The following ADAM22 variants were observed in gnomAD, a reference collection of about 807,000 sequenced individuals.
ADAM22 encodes the protein disintegrin and metalloproteinase domain-containing protein 22.
Under a neutral mutation model 144.6 loss-of-function variants are expected in ADAM22, and 65 were observed. That is an observed-to-expected ratio of 0.45 (90% CI 0.37 to 0.55). The LOEUF is 0.55. Ranked by LOEUF, ADAM22 falls within the 20% of genes least tolerant of loss-of-function variation. The pLI is 0.00. For missense variants in ADAM22, 974 were observed against 1,184.9 expected (o/e 0.82, Z 2.61); for synonymous variants, 391 against 412.6 (o/e 0.95, Z 0.63).
intron 26 of ADAM22, among the ~76,000 whole-genome samples, chr7:88,177,365 T>C (rs1845930867): frequency 1.3e-5 from 2 of 152,076 alleles, no homozygotes; most frequent in South Asian, 4.1e-4. Flanking sequence ...ATATAGCTGG[T>C]GTCATGTAAC....
chr7:88,094,917 T>C (rs1376306115), intron 4 of ADAM22, among the ~76,000 whole-genome samples: 1 of 152,204 alleles, frequency 6.6e-6, no homozygotes, highest in Non-Finnish European at 1.5e-5. Flanking sequence ...GGACCTAAAC[T>C]CAAATCCTGA....
chr7:88,081,409 C>A (rs532755832), intron 4 of ADAM22, among the ~76,000 whole-genome samples: 2 of 152,306 alleles, frequency 1.3e-5, no homozygotes, highest in South Asian at 4.1e-4. Flanking sequence ...AAACTGGAAG[C>A]ATTCCCTTTG....
chr7:88,144,397 C>A (rs140773914), intron 15 of ADAM22, among the ~76,000 whole-genome samples: 1 of 152,230 alleles, frequency 6.6e-6, no homozygotes. Context: ...ATAAAACAGA[C>A]CTAAAACATA....
intron 24 of ADAM22, among the ~76,000 whole-genome samples, chr7:88,166,852 G>A (rs530037304): frequency 1.1e-4 from 17 of 152,128 alleles, no homozygotes; most frequent in African/African-American, 4.1e-4. Flanking sequence ...CCATTACTTA[G>A]AAATAAACAA....
At chr7:88,166,488 T>TG (rs1415272233) in intron 24 of ADAM22, among the ~76,000 whole-genome samples, 1 of 152,032 alleles carries the variant, frequency 6.6e-6, no homozygotes, top group African/African-American at 2.4e-5. Flanking sequence ...GTGGCCCAAA[T>TG]GGGGGTATAG....
chr7:87,991,128 T>C (rs1789736365), intron 3 of ADAM22, among the ~76,000 whole-genome samples: 1 of 152,196 alleles, frequency 6.6e-6, no homozygotes, highest in South Asian at 2.1e-4. Context: ...CATGACCCTA[T>C]TAATCTTTAA....
intron 26 of ADAM22, among the ~76,000 whole-genome samples, chr7:88,178,274 T>C (rs1159108785): frequency 6.6e-6 from 1 of 152,162 alleles, no homozygotes; most frequent in African/African-American, 2.4e-5. Flanking sequence ...TCAGTTATTT[T>C]TTTCAACCTT....
chr7:87,974,446 T>G (rs527380160), intron 2 of ADAM22, among the ~76,000 whole-genome samples: 2 of 152,180 alleles, frequency 1.3e-5, no homozygotes, highest in Non-Finnish European at 2.9e-5. Flanking sequence ...CAGGCTCACA[T>G]TTATTTTAGT....
rs370119404 is a variant in ADAM22 at position 88,143,100 on chromosome 7, C to T, written c.1295C>T (p.Ala432Val). ...GACTTCCTGAATAGTGGAGGTGGTG[C>T]CTGCCTTTTCAACAAACCTTCTAAG... Reference protein sequence around the residue: ...YHDFLNSGGGACLFNKPSKLL... With the variant: ...YHDFLNSGGGVCLFNKPSKLL... The change falls in exon 15 of 32, where the codon GCC (alanine) becomes GTC (valine). Residue 432 changes from alanine to valine, a missense_variant. Ala to Val is a moderately conservative substitution (Grantham distance 64, BLOSUM62 0). Transcript: ENST00000413139. The T allele has an allele frequency of 2.5e-6, 4 of 1,611,808 alleles. No individual in the cohort carries two copies. Among genetic ancestry groups the T allele is most frequent in the South Asian group, 1.1e-5 (1 of 90,914 alleles).
At chr7:88,143,708 G>A (rs1024127203) in intron 15 of ADAM22, among the ~76,000 whole-genome samples, 1 of 152,234 alleles carries the variant, frequency 6.6e-6, no homozygotes, top group Non-Finnish European at 1.5e-5. Context: ...GACTTTGCAT[G>A]TTAAAAAAGA....
intron 7 of ADAM22, among the ~76,000 whole-genome samples, chr7:88,118,635 TTA>T (rs766755043): frequency 4.3e-4 from 46 of 107,062 alleles, no homozygotes; most frequent in African/African-American, 1.3e-3. Flanking sequence ...GGATATAACC[TTA>T]TATATCTATC....
At chr7:88,078,937 A>G (rs1356008647) in intron 4 of ADAM22, among the ~76,000 whole-genome samples, 2 of 152,250 alleles carry the variant, frequency 1.3e-5, no homozygotes, top group African/African-American at 2.4e-5. Context: ...GATATTATCC[A>G]GGAGAACTTC....
rs757645135 is a variant in ADAM22 at position 88,027,806 on chromosome 7, C to CT, written c.324-47807dup. Among the ~76,000 whole-genome samples, 1,408 of 143,468 alleles carry CT rather than the reference C, an allele frequency of 9.8e-3. 8 individuals carry two copies. Among genetic ancestry groups the CT allele is most frequent in the Middle Eastern group, 0.019 (5 of 268 alleles). 94.1% of individuals were successfully genotyped at this position (143,468 alleles called of 152,430 possible). On this transcript the variant is annotated intron_variant, in intron 3 of 31. Transcript: ENST00000413139. ...AGGTTGTTTATTTGAGCTTTTCTAC[C>CT]TTTTTTTTTTTTTCTGAGACAGAGT...
At chr7:87,967,180 T>G (rs1849328390) in intron 2 of ADAM22, among the ~76,000 whole-genome samples, 1 of 152,200 alleles carries the variant, frequency 6.6e-6, no homozygotes, top group African/African-American at 2.4e-5. Flanking sequence ...CCTCTTTCCT[T>G]TATAAATTAC....
intron 13 of ADAM22, among the ~76,000 whole-genome samples, 154 bp from the exon 14 acceptor site, chr7:88,135,826 T>C (rs1440652807): frequency 6.6e-6 from 1 of 152,166 alleles, no homozygotes; most frequent in Non-Finnish European, 1.5e-5. Context: ...GCATATTACA[T>C]AAAAAAACTA....
Position 87,934,541 on chromosome 7 carries a change from G to T in ADAM22, c.76G>T (p.Gly26Cys). 1 of 1,607,724 alleles carries T rather than the reference G, an allele frequency of 6.2e-7. No individual in the cohort carries two copies. ...VLGTCPPARC[G>C]QAGDASLMEL... ...GGGGACCTGCCCTCCGGCGCGCTGC[G>T]GCCAGGCAGGTAAGTTAGCCGTCCT... Residue 26 changes from glycine (G) to cysteine (C), a missense_variant, in exon 1 of 32, where the codon GGC (glycine) becomes TGC (cysteine). This residue lies in a region of ADAM22 where 240 missense variants were observed against 234.3 expected (regional missense o/e 1.02). Coordinates refer to ENST00000413139, the MANE Select transcript of ADAM22 (RefSeq NM_001324418.2).
rs150058105 is a variant in ADAM22, at chr7:88,057,121, T to C, written c.324-18505T>C. Among the ~76,000 whole-genome samples, 84 of 126,964 alleles carry C rather than the reference T, an allele frequency of 6.6e-4. 1 individual carries two copies. The highest frequency in any genetic ancestry group is 2.3e-3 in the African/African-American group (80 of 34,604). The allele number at this position is 126,964 out of a possible 152,430, so 83.3% of individuals were successfully genotyped here. On this transcript the variant is annotated intron_variant, in intron 3 of 31. Transcript: ENST00000413139. Reference sequence around the variant, plus strand: ...TGCTTTTAATGTCTACAGCACATTATTGAATCTTTTTTTTTTTTTCTTAAG... The same window carrying C: ...TGCTTTTAATGTCTACAGCACATTACTGAATCTTTTTTTTTTTTTCTTAAG...
rs1554478726 is a variant in ADAM22, at chr7:88,113,703, A to AATAAATAAATAAATATGTATAT, written c.474-878_474-877insAATAAATAAATATGTATATATA. Among the ~76,000 whole-genome samples, 7 of 48,108 alleles carry AATAAATAAATAAATATGTATAT rather than the reference A, an allele frequency of 1.5e-4. No homozygotes were observed. In the East Asian group the frequency reaches 8.4e-3, roughly 57 times the overall value. The allele number at this position is 48,108 out of a possible 152,430, so 31.6% of individuals were successfully genotyped here. A position where few individuals can be genotyped will look rare whatever the true frequency, so the allele number is the denominator to read the frequency against. On this transcript the variant is annotated intron_variant, in intron 5 of 31. Transcript: ENST00000413139. ...TATATATATTATAAATAAATAAATAAATATATATATATATATATATATATA... is the reference window on the plus strand; with the variant it reads ...TATATATATTATAAATAAATAAATAAATAAATAAATAAATATGTATATATATATATATATATATATATATATA...
At chr7:88,126,225 G>A (rs1336596316) in intron 8 of ADAM22, among the ~76,000 whole-genome samples, 1 of 151,984 alleles carries the variant, frequency 6.6e-6, no homozygotes, top group Non-Finnish European at 1.5e-5. Flanking sequence ...TTCACTGAAA[G>A]AAAAATGATG....
Sources: allele counts gnomAD v4.1 joint callset (sites outside exome capture counted in the v4.1 genomes callset), GRCh38; gene constraint gnomAD v4.1.1; regional missense constraint gnomAD v4.1.1; transcripts MANE v1.5; gene names NCBI Gene and HGNC (gene_info 2026-07-23, HGNC 2026-07-21).